Variants in SLC5A10 observed in about 807,000 individuals in gnomAD.
SLC5A10 encodes the protein sodium/mannose cotransporter SLC5A10.
In SLC5A10, 55 loss-of-function variants were observed where a neutral mutation model predicts 68.9. That is an observed-to-expected ratio of 0.80 (90% CI 0.64 to 1.00). The LOEUF (loss-of-function observed/expected upper bound fraction) is 1.00. Among genes scored for constraint, SLC5A10 ranks in the 50% least tolerant of loss-of-function variants. The pLI is 0.00. For synonymous variants in SLC5A10, 344 were observed against 344.8 expected (o/e 1.00, Z 0.02); for missense variants, 732 against 819.3 (o/e 0.89, Z 1.30).
At chr17:19,012,436 A>G (rs2044034248) in intron 9 of SLC5A10, among the ~76,000 whole-genome samples, 1 of 152,238 alleles carries the variant, frequency 6.6e-6, no homozygotes, top group Non-Finnish European at 1.5e-5. Context: ...GCCATGGGGG[A>G]GATAGCACGA....
chr17:19,003,735 C>T lies in SLC5A10; in HGVS notation c.983-9675C>T, dbSNP rs766718766. The T allele has an allele frequency of 2.5e-6, 4 of 1,604,974 alleles. No individual in the cohort carries two copies. The highest frequency in any genetic ancestry group is 1.7e-5 in the Admixed American group (1 of 59,068). ...GCCTCGATGGGGACCCCATCCGCCC[C>T]GCTGGCTTCCTCGCCGTCGCCGACC... On this transcript the variant is annotated intron_variant, in intron 9 of 14. Transcript: ENST00000395645. This position sits in a 1 kb window ranked among gnomAD's most constrained non-coding sequence, Gnocchi z 4.5.
chr17:18,969,430 C>A lies in SLC5A10; in HGVS notation c.640+8C>A, dbSNP rs777901514. On this transcript the variant is annotated splice_region_variant and intron_variant, in intron 7 of 14. Coordinates refer to ENST00000395645, the MANE Select transcript of SLC5A10 (RefSeq NM_001042450.4). ...TCATCCTGACAATCAAAGGTGAGGA[C>A]AGAGTCTGTGGCCATGGCGGGGCTG... The A allele has an allele frequency of 6.2e-7, 1 of 1,612,906 alleles. No homozygotes were observed. The highest frequency in any genetic ancestry group is 8.5e-7 in the Non-Finnish European group (1 of 1,179,320).
Position 18,952,175 on chromosome 17 carries a change from G to T in SLC5A10, c.-31G>T. The T allele has an allele frequency of 1.2e-6, 2 of 1,603,260 alleles. No homozygotes were observed. On this transcript the variant is annotated 5_prime_UTR_variant, in exon 1 of 15. Coordinates refer to ENST00000395645, the MANE Select transcript of SLC5A10 (RefSeq NM_001042450.4). Reference sequence around the variant, plus strand: ...CCTGGTTTGCCCCTCAGTCCCTCGGGCTCATACCTAGTGCCTGCGGCAGGA... The same window carrying T: ...CCTGGTTTGCCCCTCAGTCCCTCGGTCTCATACCTAGTGCCTGCGGCAGGA...
rs1013731577 is a variant in SLC5A10, at chr17:18,982,642, G to A, written c.982+5653G>A. ...TCTCAGCGGGTGGCAAGGCAAGGTG[G>A]GGGCTCCAGGGCTGGGGCAAACTAC... On this transcript the variant is annotated intron_variant, in intron 9 of 14. Transcript: ENST00000395645. Among the ~76,000 whole-genome samples the A allele has an allele frequency of 3.3e-5, 5 of 152,284 alleles. No individual in the cohort carries two copies. The East Asian group carries it at 9.7e-4, about 29-fold the overall frequency.
chr17:18,972,910 A>G (rs1441617122), intron 8 of SLC5A10, among the ~76,000 whole-genome samples: 1 of 151,204 alleles, frequency 6.6e-6, no homozygotes, highest in African/African-American at 2.4e-5. Context: ...AGGAGCTATC[A>G]GAAGCTCTGG....
chr17:18,974,837 A>G (rs1421996551), intron 8 of SLC5A10, among the ~76,000 whole-genome samples: 1 of 152,120 alleles, frequency 6.6e-6, no homozygotes, highest in African/African-American at 2.4e-5. Flanking sequence ...TTCCTCAGGG[A>G]AGAGCGCCTG....
intron 1 of SLC5A10, chr17:18,952,663 A>G (rs2042393427): frequency 1.6e-5 from 3 of 192,280 alleles, no homozygotes; most frequent in African/African-American, 4.7e-5. Context: ...CTGCTTGAAC[A>G]ACAGGCTCCC....
chr17:18,953,126 TTC>T (rs1353008267), intron 1 of SLC5A10, among the ~76,000 whole-genome samples: 183 of 112,798 alleles, frequency 1.6e-3, no homozygotes, highest in Admixed American at 3.8e-3. Context: ...TGAGTACCCC[TTC>T]TTTTTTTTTT....
At chr17:18,994,179 C>T (rs558027309) in intron 9 of SLC5A10, among the ~76,000 whole-genome samples, 1 of 152,186 alleles carries the variant, frequency 6.6e-6, no homozygotes, top group Non-Finnish European at 1.5e-5. Context: ...ATAACAGAGA[C>T]GGAATTCACC....
intron 9 of SLC5A10, among the ~76,000 whole-genome samples, chr17:18,998,308 C>T (rs769847564): frequency 2.6e-5 from 4 of 152,240 alleles, no homozygotes; most frequent in Non-Finnish European, 4.4e-5. Flanking sequence ...CCCCATTTTA[C>T]AAGTGAAGAA....
chr17:18,971,745 G>A lies in SLC5A10; in HGVS notation c.846+527G>A, dbSNP rs1002890194. The A allele has an allele frequency of 6.4e-7, 1 of 1,559,784 alleles. No homozygotes were observed. Among genetic ancestry groups the A allele is most frequent in the Non-Finnish European group, 8.7e-7 (1 of 1,151,020 alleles). ...GGGACCCTGTGATGATGAAACTGCT[G>A]GCCCTGGGAGAGAGAGAGCAGAGAG... On this transcript the variant is annotated intron_variant, in intron 8 of 14. Coordinates refer to ENST00000395645, the MANE Select transcript of SLC5A10 (RefSeq NM_001042450.4). The surrounding 1 kb of genome is among the most constrained non-coding windows in gnomAD (Gnocchi z 5.5).
In SLC5A10 at chr17:19,019,138, T is replaced by G. The variant is rs1597919317; in HGVS notation, c.1242-285T>G. 5 of 413,448 alleles carry G rather than the reference T, an allele frequency of 1.2e-5. No individual in the cohort carries two copies. In the East Asian group the frequency reaches 2.1e-4, roughly 17 times the overall value. The allele number at this position is 413,448 out of a possible 1,614,324, so 25.6% of individuals were successfully genotyped here. On this transcript the variant is annotated intron_variant, in intron 11 of 14. Transcript: ENST00000395645. ...GAAGGAGAGACAAGAGGGAGCTCCA[T>G]GGCGGAGCTCCAAGGGCTGGCTCCG...
intron 1 of SLC5A10, among the ~76,000 whole-genome samples, chr17:18,958,408 TACC>T (rs1357844328): frequency 6.6e-6 from 1 of 152,266 alleles, no homozygotes; most frequent in Non-Finnish European, 1.5e-5. Context: ...ATATAGGATA[TACC>T]ACATTTTGTT....
chr17:19,009,177 T>TTTGTTG (rs371560007), intron 9 of SLC5A10, among the ~76,000 whole-genome samples: 2 of 151,766 alleles, frequency 1.3e-5, no homozygotes, highest in African/African-American at 4.8e-5. Flanking sequence ...CTGAGTTTGT[T>TTTGTTG]TTGTTGTTGT....
rs1400933331 is a variant in SLC5A10, at chr17:18,996,945, G to A, written c.983-16465G>A. On this transcript the variant is annotated intron_variant, in intron 9 of 14. Transcript: ENST00000395645. The surrounding 1 kb of genome is among the most constrained non-coding windows in gnomAD (Gnocchi z 4.4). ...CCATGCCTTCCCTGGGTGGCCCATG[G>A]CGGGTCACTTCCCACTCTAAGCCTC... Among the ~76,000 whole-genome samples, 2 of 152,234 alleles carry A rather than the reference G, an allele frequency of 1.3e-5. No individual in the cohort carries two copies. Among genetic ancestry groups the A allele is most frequent in the African/African-American group, 2.4e-5 (1 of 41,466 alleles).
At chr17:18,984,169 C>T (rs754317057) in intron 9 of SLC5A10, among the ~76,000 whole-genome samples, 34 of 152,074 alleles carry the variant, frequency 2.2e-4, no homozygotes, top group Non-Finnish European at 2.6e-4. Flanking sequence ...GGTGAAACCC[C>T]ATCTCTACTA....
At chr17:18,998,045 A>G (rs187670631) in intron 9 of SLC5A10, among the ~76,000 whole-genome samples, 1 of 152,366 alleles carries the variant, frequency 6.6e-6, no homozygotes, top group East Asian at 1.9e-4. Flanking sequence ...CCTGGGTCCC[A>G]GTGATACGGA....
intron 5 of SLC5A10, among the ~76,000 whole-genome samples, chr17:18,962,677 G>A (rs1286442587): frequency 1.3e-5 from 2 of 152,144 alleles, no homozygotes; most frequent in Non-Finnish European, 2.9e-5. Flanking sequence ...GTTTAAGTGG[G>A]AGAGTGACAT....
chr17:19,020,204 C>G lies in SLC5A10; in HGVS notation c.1676C>G (p.Thr559Ser). 6.2e-7 allele frequency: 1 copy of G among 1,607,952 alleles called. No homozygotes were observed. The highest frequency in any genetic ancestry group is 8.5e-7 in the Non-Finnish European group (1 of 1,177,944). The change falls in exon 14 of 15, where the codon ACT becomes AGT. Residue 559 changes from threonine (T) to serine (S), a missense_variant. Transcript: ENST00000395645. ...CTGGCTCAGGATGTGCCCTTGGGAA[C>G]TAAAGCAGGTAAGTGGATGACCCTA... ...WTLAQDVPLG[T>S]KAGDGQTPQK...
Sources: allele counts gnomAD v4.1 joint callset (sites outside exome capture counted in the v4.1 genomes callset), GRCh38; gene constraint gnomAD v4.1.1; non-coding constraint Gnocchi (gnomAD v3.1); transcripts MANE v1.5; gene names NCBI Gene and HGNC (gene_info 2026-07-23, HGNC 2026-07-21).